LRRC4C: variants seen among roughly 807,000 people sequenced by gnomAD.
LRRC4C encodes the protein leucine-rich repeat-containing protein 4C.
In LRRC4C, 5 loss-of-function variants were observed where a neutral mutation model predicts 33.6. The observed-to-expected ratio is 0.15, with a 90% CI of 0.08 to 0.31. LRRC4C has a LOEUF of 0.31. Ranked by LOEUF, LRRC4C falls within the 10% of genes least tolerant of loss-of-function variation. The pLI is 1.00. For missense variants in LRRC4C, 560 were observed against 796.7 expected (o/e 0.70, Z 3.58); for synonymous variants, 329 against 302.0 (o/e 1.09, Z -0.93).
chr11:40,774,015 C>T (rs1171588831), intron 2 of LRRC4C, among the ~76,000 whole-genome samples: 1 of 152,098 alleles, frequency 6.6e-6, no homozygotes, highest in Non-Finnish European at 1.5e-5. Context: ...CTCTGATTCT[C>T]TCCTCACCTA....
chr11:40,246,920 G>C (rs1866386074), intron 4 of LRRC4C, among the ~76,000 whole-genome samples: 1 of 152,116 alleles, frequency 6.6e-6, no homozygotes, highest in Non-Finnish European at 1.5e-5. Flanking sequence ...AGAAATCTAA[G>C]CACGTTCAAA....
At chr11:40,385,259 A>T (rs1949058894) in intron 3 of LRRC4C, among the ~76,000 whole-genome samples, 1 of 152,172 alleles carries the variant, frequency 6.6e-6, no homozygotes, top group Admixed American at 6.5e-5. Context: ...CATTCTTCTT[A>T]CTGGGAGGAA....
Position 41,244,704 on chromosome 11 carries a change from C to G in LRRC4C, c.-496+214727G>C, listed in dbSNP as rs369765524. Among the ~76,000 whole-genome samples the G allele has an allele frequency of 2.4e-4, 36 of 152,262 alleles. 1 individual carries two copies. Among genetic ancestry groups the G allele is most frequent in the African/African-American group, 8.4e-4 (35 of 41,554 alleles). ...GCCTCAGCTTTCTTCATTTTGTTTA[C>G]TAGGTTTTAACAGTTCTATTTCTTA... On this transcript the variant is annotated intron_variant, in intron 1 of 6. Transcript: ENST00000528697.
intron 3 of LRRC4C, among the ~76,000 whole-genome samples, chr11:40,608,776 A>G (rs942770034): frequency 1.3e-5 from 2 of 152,192 alleles, no homozygotes; most frequent in African/African-American, 4.8e-5. Flanking sequence ...AATCATGGGT[A>G]GCCATAGCTA....
intron 2 of LRRC4C, among the ~76,000 whole-genome samples, chr11:40,735,598 G>A: frequency 7.7e-6 from 1 of 129,698 alleles, no homozygotes; most frequent in Non-Finnish European, 1.7e-5. Context: ...TTGCTATTGT[G>A]AATAGTGCCG....
intron 2 of LRRC4C, among the ~76,000 whole-genome samples, chr11:40,922,895 T>G (rs1299617949): frequency 1.3e-5 from 2 of 152,144 alleles, no homozygotes; most frequent in Non-Finnish European, 2.9e-5. Flanking sequence ...GCGCAAACTC[T>G]GCTCACTGCA....
chr11:41,279,501 C>T (rs4625446), intron 1 of LRRC4C, among the ~76,000 whole-genome samples: 93,853 of 151,506 alleles, frequency 0.62, 29,926 homozygotes, highest in African/African-American at 0.77. Context: ...GCAATTCCAG[C>T]TCCATAGTTA....
At chr11:40,729,644 C>T (rs1947460029) in intron 2 of LRRC4C, among the ~76,000 whole-genome samples, 1 of 152,160 alleles carries the variant, frequency 6.6e-6, no homozygotes, top group African/African-American at 2.4e-5. Flanking sequence ...CATGTTATAA[C>T]TTCCTCCACT....
intron 5 of LRRC4C, among the ~76,000 whole-genome samples, chr11:40,196,862 G>A (rs973590498): frequency 6.6e-6 from 1 of 152,132 alleles, no homozygotes; most frequent in Non-Finnish European, 1.5e-5. Flanking sequence ...ATGGGCTCAA[G>A]TTATAACTTA....
chr11:40,885,562 A>G (rs905977711), intron 2 of LRRC4C, among the ~76,000 whole-genome samples: 5 of 152,084 alleles, frequency 3.3e-5, no homozygotes, highest in Admixed American at 1.3e-4. Flanking sequence ...TTAAACTCCA[A>G]ATGGAATGGT....
At chr11:40,495,307 A>G (rs779258477) in intron 3 of LRRC4C, among the ~76,000 whole-genome samples, 27 of 152,158 alleles carry the variant, frequency 1.8e-4, no homozygotes, top group Non-Finnish European at 3.1e-4. Flanking sequence ...CCCGCCAGAA[A>G]AAAATTAATA....
At chr11:40,334,126 GT>G (rs1946490014) in intron 3 of LRRC4C, among the ~76,000 whole-genome samples, 2 of 152,052 alleles carry the variant, frequency 1.3e-5, no homozygotes, top group African/African-American at 4.8e-5. Flanking sequence ...TCCTTGCTGT[GT>G]TTTAGTATGT....
intron 1 of LRRC4C, among the ~76,000 whole-genome samples, chr11:41,257,889 C>T (rs1948852973): frequency 6.6e-6 from 1 of 151,980 alleles, no homozygotes; most frequent in Non-Finnish European, 1.5e-5. Flanking sequence ...ATGCCTGCCT[C>T]AGAGGAAGTG....
At chr11:40,340,807 A>C (rs1323531730) in intron 3 of LRRC4C, among the ~76,000 whole-genome samples, 1 of 152,164 alleles carries the variant, frequency 6.6e-6, no homozygotes, top group African/African-American at 2.4e-5. Flanking sequence ...CTAAAGACAA[A>C]GGGATATGTC....
intron 1 of LRRC4C, among the ~76,000 whole-genome samples, chr11:41,268,848 A>G (rs1565533460): frequency 1.3e-5 from 2 of 151,774 alleles, no homozygotes; most frequent in Non-Finnish European, 2.9e-5. Context: ...ACTTGTTTTG[A>G]TAGAATCATA....
At chr11:40,911,978 A>G (rs1956719101) in intron 2 of LRRC4C, among the ~76,000 whole-genome samples, 1 of 152,236 alleles carries the variant, frequency 6.6e-6, no homozygotes, top group African/African-American at 2.4e-5. Context: ...AAATGAAGTG[A>G]GAAGGGAAGT....
At chr11:40,446,618 T>A (rs1361968878) in intron 3 of LRRC4C, 1 of 152,090 alleles carries the variant, frequency 6.6e-6, no homozygotes, top group Admixed American at 6.6e-5. Flanking sequence ...AGGAAATACC[T>A]GAGACTAGGT....
At chr11:40,610,156 A>G (rs1157076017) in intron 3 of LRRC4C, among the ~76,000 whole-genome samples, 1 of 151,928 alleles carries the variant, frequency 6.6e-6, no homozygotes, top group South Asian at 2.1e-4. Flanking sequence ...ACCAAATTCA[A>G]TAGCATATTA....
chr11:40,524,549 G>GA lies in LRRC4C; in HGVS notation c.-270+123592dup, dbSNP rs573481636. ...AATTAAAGCAGCAGCCATAAATTCA[G>GA]AAAAATTTATTATTAATCAAGACTG... On this transcript the variant is annotated intron_variant, in intron 3 of 6. Transcript: ENST00000528697. Among the ~76,000 whole-genome samples, 778 of 152,140 alleles carry GA rather than the reference G, an allele frequency of 5.1e-3. 4 individuals are homozygous for GA. The highest frequency in any genetic ancestry group is 0.018 in the African/African-American group (753 of 41,514).
Sources: allele counts gnomAD v4.1 joint callset (sites outside exome capture counted in the v4.1 genomes callset), GRCh38; gene constraint gnomAD v4.1.1; transcripts MANE v1.5; gene names NCBI Gene and HGNC (gene_info 2026-07-23, HGNC 2026-07-21).